The following NLRP14 variants were observed in gnomAD, a reference collection of about 807,000 sequenced individuals.
NLRP14 encodes NLR family pyrin domain containing 14, also known as NACHT, LRR and PYD domains-containing protein 14.
Under a neutral mutation model 94.7 loss-of-function variants are expected in NLRP14, and 105 were observed. The ratio of observed to expected loss-of-function variants is 1.11; its 90% confidence interval spans 0.95 to 1.30. NLRP14 has a LOEUF of 1.30. NLRP14 is among the 50% of genes most tolerant of loss of function. NLRP14 has a pLI of 0.00. For missense variants in NLRP14, 1,362 were observed against 1,254.1 expected (o/e 1.09, Z -1.30); for synonymous variants, 508 against 459.9 (o/e 1.10, Z -1.34).
rs773487113 is a variant in NLRP14, at chr11:7,046,786, C to G, written c.2077C>G (p.Leu693Val). ...SNLDKSAMNI[L>V]HHELRHPNCK... ...CCTTGATAAATCAGCAATGAATATC[C>G]TGCATCATGAACTAAGGCACCCAAA... The change falls in exon 5 of 12, where the codon CTG becomes GTG. Residue 693 changes from leucine (L) to valine (V), a missense_variant. Physicochemically the swap from Leu to Val is conservative, Grantham distance 32. Coordinates refer to ENST00000299481, the MANE Select transcript of NLRP14 (RefSeq NM_176822.4). 4.3e-6 allele frequency: 7 copies of G among 1,613,568 alleles called. No homozygotes were observed. In the East Asian group the frequency reaches 1.6e-4, roughly 36 times the overall value.
At chr11:7,068,717 T>C (rs1328489629) in intron 10 of NLRP14, among the ~76,000 whole-genome samples, 1 of 152,200 alleles carries the variant, frequency 6.6e-6, no homozygotes, top group Non-Finnish European at 1.5e-5. Context: ...AGTGCAGTGA[T>C]GTGATCATAG....
At chr11:7,082,021 A>G in the NLRP14 span, among the ~76,000 whole-genome samples, 1 of 152,156 alleles carries the variant, frequency 6.6e-6, no homozygotes, top group Non-Finnish European at 1.5e-5. Context: ...AAACTCAGGC[A>G]TGGTCAAAGG....
Position 7,043,935 on chromosome 11 carries a change from G to A in NLRP14, c.1909G>A (p.Val637Met), listed in dbSNP as rs368673189. ...CLRTIRLSVT[V>M]VFEKKILKTS... ...GCGGACCATCAGGCTGTCTGTAACT[G>A]TGGTATTTGAGAAGAAGATATTAAA... Residue 637 changes from valine to methionine, a missense_variant, in exon 4 of 12, where the codon GTG becomes ATG. Val to Met is a conservative substitution (Grantham distance 21). Coordinates refer to ENST00000299481, the MANE Select transcript of NLRP14 (RefSeq NM_176822.4). The A allele has an allele frequency of 1.1e-5, 18 of 1,614,064 alleles. No individual in the cohort carries two copies. The highest frequency in any genetic ancestry group is 1.4e-5 in the Non-Finnish European group (16 of 1,180,020).
At chr11:7,065,581 T>C (rs1472195666) in intron 10 of NLRP14, among the ~76,000 whole-genome samples, 1 of 152,138 alleles carries the variant, frequency 6.6e-6, no homozygotes, top group African/African-American at 2.4e-5. Flanking sequence ...TGTGATATAA[T>C]GTTAATATGT....
At chr11:7,062,728 C>T (rs1457104991) in intron 10 of NLRP14, among the ~76,000 whole-genome samples, 1 of 152,058 alleles carries the variant, frequency 6.6e-6, no homozygotes, top group African/African-American at 2.4e-5. Context: ...GTACCTTGGA[C>T]AGATACTTAG....
chr11:7,039,357 TTA>T (rs10533835), intron 2 of NLRP14, among the ~76,000 whole-genome samples: 92,907 of 150,604 alleles, frequency 0.62, 28,961 homozygotes, highest in East Asian at 0.74. Flanking sequence ...GGCTTTAGAG[TTA>T]TATATATATA....
chr11:7,084,205 C>T, the NLRP14 span, among the ~76,000 whole-genome samples: 148 of 152,338 alleles, frequency 9.7e-4, 2 homozygotes, highest in East Asian at 7.3e-3. Flanking sequence ...GGCACCTCCT[C>T]ACAATATTCC....
chr11:7,024,345 G>C lies in NLRP14; in HGVS notation c.-22+3575G>C, dbSNP rs74665627. ...AATACCAAGAGGGAAATCTGTAACA[G>C]CTTGCCAATATTGCTTATAGAAAAT... On this transcript the variant is annotated intron_variant, in intron 1 of 11. Coordinates refer to ENST00000299481, the MANE Select transcript of NLRP14 (RefSeq NM_176822.4). Among the ~76,000 whole-genome samples the C allele has an allele frequency of 2.5e-3, 374 of 152,300 alleles. 3 individuals carry two copies. Among genetic ancestry groups the C allele is most frequent in the African/African-American group, 8.8e-3 (366 of 41,560 alleles).
chr11:7,067,827 G>A (rs961407330), intron 10 of NLRP14, among the ~76,000 whole-genome samples: 1 of 152,058 alleles, frequency 6.6e-6, no homozygotes, highest in African/African-American at 2.4e-5. Context: ...GTTCAGGAGT[G>A]TTTCTTATCT....
intron 6 of NLRP14, among the ~76,000 whole-genome samples, chr11:7,051,196 C>T (rs1029158250): frequency 1.6e-4 from 25 of 152,224 alleles, no homozygotes; most frequent in Non-Finnish European, 3.1e-4. Flanking sequence ...TGGCAAAAGT[C>T]ATCAGAGCTT....
the NLRP14 span, among the ~76,000 whole-genome samples, chr11:7,081,834 T>G: frequency 2.8e-4 from 43 of 152,208 alleles, no homozygotes; most frequent in Non-Finnish European, 4.4e-4. Flanking sequence ...CGTGACTGAT[T>G]AAATGATTGG....
At chr11:7,058,720 T>C (rs941149756) in intron 8 of NLRP14, among the ~76,000 whole-genome samples, 3 of 151,936 alleles carry the variant, frequency 2.0e-5, no homozygotes, top group Non-Finnish European at 4.4e-5. Flanking sequence ...GTGAGGAATG[T>C]GAGCCTTAGG....
At chr11:7,075,364 G>T (rs1300801843), downstream of NLRP14, among the ~76,000 whole-genome samples, 1 of 152,192 alleles carries the variant, frequency 6.6e-6, no homozygotes, top group African/African-American at 2.4e-5. Context: ...ACTTAGAAGT[G>T]CAAGAGTGGG....
chr11:7,044,572 T>C (rs534959897), intron 4 of NLRP14, among the ~76,000 whole-genome samples: 3 of 152,304 alleles, frequency 2.0e-5, no homozygotes, highest in South Asian at 4.1e-4. Context: ...TAGTAGGTGC[T>C]AAATAAATAT....
the NLRP14 span, among the ~76,000 whole-genome samples, chr11:7,086,878 A>G: frequency 1.3e-5 from 2 of 152,214 alleles, no homozygotes; most frequent in Non-Finnish European, 2.9e-5. Flanking sequence ...TTGATAAGCA[A>G]GAAAGTAATA....
At chr11:7,058,197 GTGCCACTGAT>G in intron 7 of NLRP14, 73 bp from the exon 8 acceptor site, 1 of 1,149,858 alleles carries the variant, frequency 8.7e-7, no homozygotes, top group Non-Finnish European at 1.3e-6. Flanking sequence ...GGGGTTATAA[GTGCCACTGAT>G]TTCCCTGTGA....
chr11:7,027,805 C>T (rs59822758), intron 1 of NLRP14, among the ~76,000 whole-genome samples: 23,118 of 152,118 alleles, frequency 0.15, 2,161 homozygotes, highest in Non-Finnish European at 0.21. Flanking sequence ...AGTCTCATCT[C>T]GTTCTATCAG....
intron 10 of NLRP14, among the ~76,000 whole-genome samples, chr11:7,066,412 G>A (rs983067344): frequency 2.0e-5 from 3 of 152,188 alleles, no homozygotes; most frequent in Admixed American, 6.5e-5. Flanking sequence ...TAACTGGCAT[G>A]AGATGGTATC....
At position 7,049,697 on chromosome 11, in the gene NLRP14, G is replaced by T; in HGVS notation, c.2150G>T (p.Gly717Val). Residue 717 changes from glycine (G) to valine (V), a missense_variant, in exon 6 of 12, where the codon GGT becomes GTT. Transcript: ENST00000299481. ...TTGAAATTTATCACTTTCCCTGATG[G>T]TTGTCAGGATATCTCTACTTCTTTG... ...LLLKFITFPD[G>V]CQDISTSLIH... The T allele has an allele frequency of 6.2e-7, 1 of 1,612,728 alleles. No homozygotes were observed. The highest frequency in any genetic ancestry group is 8.5e-7 in the Non-Finnish European group (1 of 1,178,850).
Sources: gnomAD v4.1 joint callset for allele counts (sites outside exome capture counted in the v4.1 genomes callset) on GRCh38, gnomAD v4.1.1 for gene constraint, MANE v1.5 for transcripts, NCBI Gene and HGNC (gene_info 2026-07-23, HGNC 2026-07-21) for gene names.